STXBP4: variants seen among roughly 807,000 people sequenced by gnomAD.
The protein encoded by STXBP4 is syntaxin-binding protein 4.
In STXBP4, 55 loss-of-function variants were observed where a neutral mutation model predicts 76.1. The ratio of observed to expected loss-of-function variants is 0.72; its 90% CI spans 0.58 to 0.91. The LOEUF (loss-of-function observed/expected upper bound fraction) is 0.91. Among genes scored for constraint, STXBP4 ranks in the 40% least tolerant of loss-of-function variants. The pLI is 0.00. For synonymous variants in STXBP4, 201 were observed against 220.2 expected (o/e 0.91, Z 0.77); for missense variants, 618 against 636.9 (o/e 0.97, Z 0.32).
intron 4 of STXBP4, chr17:54,991,605 C>A (rs771247766): frequency 7.2e-4 from 109 of 151,892 alleles, no homozygotes; most frequent in African/African-American, 2.5e-3. Flanking sequence ...TCTTGGATTT[C>A]ATTTGCTGTT....
chr17:55,032,619 A>G (rs1003431661), intron 9 of STXBP4, among the ~76,000 whole-genome samples: 1 of 152,204 alleles, frequency 6.6e-6, no homozygotes, highest in Non-Finnish European at 1.5e-5. Flanking sequence ...TTTCTCAAGT[A>G]GTCCGGCATC....
At chr17:55,057,954 T>C (rs1441236367) in intron 12 of STXBP4, among the ~76,000 whole-genome samples, 3 of 152,212 alleles carry the variant, frequency 2.0e-5, no homozygotes, top group Non-Finnish European at 4.4e-5. Flanking sequence ...CAGTCTATCA[T>C]TGATGGGCAT....
intron 10 of STXBP4, among the ~76,000 whole-genome samples, chr17:55,041,915 A>G (rs1180390227): frequency 1.3e-5 from 2 of 152,180 alleles, no homozygotes; most frequent in African/African-American, 2.4e-5. Flanking sequence ...ATATTATTAC[A>G]TTTTAAAATG....
chr17:55,211,538 T>C, the STXBP4 span, among the ~76,000 whole-genome samples: 67 of 152,196 alleles, frequency 4.4e-4, no homozygotes, highest in Non-Finnish European at 8.2e-4. Flanking sequence ...ATTCTACAGC[T>C]TTCCATTCTG....
At position 55,019,676 on chromosome 17, in the gene STXBP4, C is replaced by G. The variant is rs117703153; in HGVS notation, c.667-11492C>G. Among the ~76,000 whole-genome samples the G allele has an allele frequency of 3.1e-3, 478 of 152,104 alleles. 12 individuals are homozygous for G. The highest frequency in any genetic ancestry group is 0.025 in the East Asian group (131 of 5,188). On this transcript the variant is annotated intron_variant, in intron 8 of 17. Transcript: ENST00000376352. The stretch of plus-strand genomic sequence containing the variant: ...TTTGGGTGGTCATTTTCCCTTTTCT[C>G]TAAGTAACCCCTTTAAATGTTCTTT...
chr17:54,988,913 G>A (rs978732225), intron 3 of STXBP4, among the ~76,000 whole-genome samples: 10 of 152,134 alleles, frequency 6.6e-5, no homozygotes, highest in African/African-American at 2.4e-4. Flanking sequence ...GTATACCTGT[G>A]ATACAGCTCT....
chr17:55,162,261 A>C lies in STXBP4; in HGVS notation c.*2350A>C, dbSNP rs899929167. On this transcript the variant is annotated 3_prime_UTR_variant, in exon 18 of 18. Coordinates refer to ENST00000376352, the MANE Select transcript of STXBP4 (RefSeq NM_178509.6). ...CAGGGCTTAGCAAGAATCCTTTTCC[A>C]GTGCAAATACGACCCTCATATTATG... 6.6e-6 allele frequency: 1 copy of C among 152,262 alleles called. No homozygotes were observed. The highest frequency in any genetic ancestry group is 6.5e-5 in the Admixed American group (1 of 15,288). 9.4% of individuals were successfully genotyped at this position (152,262 alleles called of 1,614,324 possible). A position where few individuals can be genotyped will look rare whatever the true frequency, so the allele number is the denominator to read the frequency against.
chr17:54,999,684 C>G lies in STXBP4; in HGVS notation c.340C>G (p.Gln114Glu). 1.9e-6 allele frequency: 3 copies of G among 1,613,718 alleles called. No individual in the cohort carries two copies. The highest frequency in any genetic ancestry group is 2.5e-6 in the Non-Finnish European group (3 of 1,179,814). Residue 114 changes from glutamine to glutamate, a missense_variant, in exon 6 of 18, where the codon CAG becomes GAG. Gln to Glu is a conservative substitution (Grantham distance 29, BLOSUM62 2). Coordinates refer to ENST00000376352, the MANE Select transcript of STXBP4 (RefSeq NM_178509.6). ...CATAAGACAAAAATCCGACAACATT[C>G]AGCCAGAAAATCTGTCATGTACATC... ...AFIRQKSDNI[Q>E]PENLSCTSLI...
At chr17:55,111,198 C>A (rs1235996088) in intron 16 of STXBP4, among the ~76,000 whole-genome samples, 1 of 152,160 alleles carries the variant, frequency 6.6e-6, no homozygotes. Context: ...TGTCACTCCC[C>A]TGGTCAAAAC....
At position 55,172,514 on chromosome 17, in the gene STXBP4, TACAC is replaced by T. The variant is rs2080412232; in HGVS notation, c.*12609_*12612del. 6.6e-6 allele frequency: 1 copy of T among 152,250 alleles called. No individual in the cohort carries two copies. Among genetic ancestry groups the T allele is most frequent in the East Asian group, 1.9e-4 (1 of 5,206 alleles). 9.4% of individuals were successfully genotyped at this position (152,250 alleles called of 1,614,324 possible). On this transcript the variant is annotated 3_prime_UTR_variant, in exon 18 of 18. Coordinates refer to ENST00000376352, the MANE Select transcript of STXBP4 (RefSeq NM_178509.6). ...CAAACTGAACAATGCTGCAGTCAGA[TACAC>T]ACACATATTTCAACTGCATAACTTC...
In STXBP4 at chr17:55,170,514, T is replaced by C. The variant is rs893599977; in HGVS notation, c.*10603T>C. ...TCTGCATACTACTCTACAGTGAGCCTGTCCTTTATAAGAAAAAATGCTAAT... is the reference window on the plus strand; with the variant it reads ...TCTGCATACTACTCTACAGTGAGCCCGTCCTTTATAAGAAAAAATGCTAAT... On this transcript the variant is annotated 3_prime_UTR_variant, in exon 18 of 18. Transcript: ENST00000376352. 1.3e-5 allele frequency: 2 copies of C among 152,194 alleles called. No individual in the cohort carries two copies. The highest frequency in any genetic ancestry group is 4.8e-5 in the African/African-American group (2 of 41,466). 9.4% of individuals were successfully genotyped at this position (152,194 alleles called of 1,614,324 possible). A position where few individuals can be genotyped will look rare whatever the true frequency, so the allele number is the denominator to read the frequency against.
At chr17:55,024,178 C>G (rs555680774) in intron 8 of STXBP4, among the ~76,000 whole-genome samples, 1 of 152,288 alleles carries the variant, frequency 6.6e-6, no homozygotes, top group African/African-American at 2.4e-5. Flanking sequence ...GCTGGGAACT[C>G]TCATGTGATA....
intron 17 of STXBP4, among the ~76,000 whole-genome samples, chr17:55,145,735 C>CTGTG (rs59653900): frequency 0.18 from 27,729 of 151,282 alleles, 2,745 homozygotes; most frequent in Middle Eastern, 0.3. Context: ...GTGTATGTTT[C>CTGTG]TGTGTGTGTG....
chr17:55,119,692 A>G (rs1036055147), intron 16 of STXBP4, among the ~76,000 whole-genome samples: 9 of 152,030 alleles, frequency 5.9e-5, no homozygotes, highest in Non-Finnish European at 1.2e-4. Context: ...AAATATATCC[A>G]TAAGCATATG....
At chr17:55,197,674 C>T in the STXBP4 span, among the ~76,000 whole-genome samples, 17 of 150,928 alleles carry the variant, frequency 1.1e-4, no homozygotes, top group East Asian at 3.9e-4. Flanking sequence ...ACTGGGGAGG[C>T]GGAGGTTGCA....
At chr17:55,159,740 A>G (rs1421889480) in intron 17 of STXBP4, 57 bp from the exon 18 acceptor site, 3 of 1,189,758 alleles carry the variant, frequency 2.5e-6, no homozygotes, top group Admixed American at 1.8e-5. Context: ...CAGTACTTGC[A>G]TGGATGAGTA....
At position 55,043,176 on chromosome 17, in the gene STXBP4, GT is replaced by G. The variant is rs1478893567; in HGVS notation, c.856-58del. 9 of 804,136 alleles carry G rather than the reference GT, an allele frequency of 1.1e-5. No homozygotes were observed. In the East Asian group the frequency reaches 1.9e-4, roughly 17 times the overall value. The allele number at this position is 804,136 out of a possible 1,614,324, so 49.8% of individuals were successfully genotyped here. A position where few individuals can be genotyped will look rare whatever the true frequency, so the allele number is the denominator to read the frequency against. On this transcript the variant is annotated intron_variant, in intron 10 of 17. Transcript: ENST00000376352. ...AAGATTAGTCAAAAATGATTTTTAT[GT>G]TACCTCTCATAATTAGCATCTAATG... is the stretch of plus-strand genomic sequence containing the variant.
chr17:55,123,872 C>T (rs758290180), intron 16 of STXBP4, among the ~76,000 whole-genome samples: 2 of 151,804 alleles, frequency 1.3e-5, no homozygotes, highest in Non-Finnish European at 2.9e-5. Flanking sequence ...GGCACTCCAA[C>T]CTGGCGACAA....
intron 16 of STXBP4, among the ~76,000 whole-genome samples, chr17:55,090,615 T>A (rs1598302440): frequency 6.6e-6 from 1 of 152,142 alleles, no homozygotes; most frequent in East Asian, 1.9e-4. Flanking sequence ...ATAACATATA[T>A]AATGTGTATA....
Sources: allele counts gnomAD v4.1 joint callset (sites outside exome capture counted in the v4.1 genomes callset), GRCh38; gene constraint gnomAD v4.1.1; transcripts MANE v1.5; gene names NCBI Gene and HGNC (gene_info 2026-07-23, HGNC 2026-07-21).